Variants in CNTNAP4 observed in about 807,000 individuals in gnomAD.
CNTNAP4 encodes contactin associated protein family member 4.
A neutral mutation model predicts 148.4 loss-of-function variants in CNTNAP4; 98 were observed. The ratio of observed to expected loss-of-function variants is 0.66; its 90% CI spans 0.56 to 0.78. The LOEUF is 0.78. Ranked by LOEUF, CNTNAP4 falls within the 30% of genes least tolerant of loss-of-function variation. The pLI, the probability that CNTNAP4 is intolerant of heterozygous loss-of-function variation, is 0.00. For synonymous variants in CNTNAP4, 730 were observed against 565.1 expected (o/e 1.29, Z -4.14); for missense variants, 1,935 against 1,565.6 (o/e 1.24, Z -3.98).
At chr16:76,516,090 C>T (rs760154254) in intron 15 of CNTNAP4, among the ~76,000 whole-genome samples, 2 of 144,956 alleles carry the variant, frequency 1.4e-5, no homozygotes, top group African/African-American at 2.5e-5. Flanking sequence ...TGTCCCTCCC[C>T]TTGCCCCCCA....
chr16:76,532,272 T>A (rs1350998553), intron 17 of CNTNAP4, among the ~76,000 whole-genome samples: 1 of 152,224 alleles, frequency 6.6e-6, no homozygotes, highest in East Asian at 1.9e-4. Context: ...AGAAACTTCC[T>A]TGGAATGGAA....
intron 3 of CNTNAP4, among the ~76,000 whole-genome samples, chr16:76,419,636 G>C (rs1267433853): frequency 6.6e-6 from 1 of 151,948 alleles, no homozygotes; most frequent in Non-Finnish European, 1.5e-5. Flanking sequence ...TCTTTGGATG[G>C]TCCCGTCCCT....
chr16:76,319,594 C>G (rs1962192193), intron 2 of CNTNAP4, among the ~76,000 whole-genome samples: 1 of 151,788 alleles, frequency 6.6e-6, no homozygotes, highest in African/African-American at 2.4e-5. Context: ...TAAGATGAGG[C>G]CATACTGGAT....
chr16:76,557,556 T>G (rs1193062994), intron 23 of CNTNAP4: 1 of 152,192 alleles, frequency 6.6e-6, no homozygotes, highest in East Asian at 1.9e-4. Context: ...ACAGCTTCAT[T>G]AAGGAGATTC....
rs767317897 is a variant in CNTNAP4 at position 76,506,072 on chromosome 16, A to G, written c.2365+7378A>G. ...TATATTGACTTTAGAAACTTTAGAA[A>G]AAGAGTCAAAGGAAAGAATCAAGGG... On this transcript the variant is annotated intron_variant, in intron 15 of 23. Transcript: ENST00000611870. 9.2e-5 allele frequency among the ~76,000 whole-genome samples: 9 copies of G among 97,886 alleles called. 4 individuals carry two copies. Among genetic ancestry groups the G allele is most frequent in the Non-Finnish European group, 2.0e-4 (7 of 34,486 alleles). 64.2% of individuals were successfully genotyped at this position (97,886 alleles called of 152,430 possible).
chr16:76,472,429 C>T (rs2081409671), intron 10 of CNTNAP4, among the ~76,000 whole-genome samples: 1 of 151,966 alleles, frequency 6.6e-6, no homozygotes, highest in East Asian at 1.9e-4. Context: ...ATTTAAGAGT[C>T]ATTCTTTTGG....
intron 1 of CNTNAP4, chr16:76,316,186 A>T (rs892223075): frequency 6.7e-5 from 39 of 583,652 alleles, no homozygotes; most frequent in African/African-American, 6.7e-4. Flanking sequence ...TTATTATATA[A>T]TTTTATGATT....
chr16:76,449,911 C>T, intron 7 of CNTNAP4, 53 bp downstream of exon 7: 1 of 1,466,242 alleles, frequency 6.8e-7, no homozygotes, highest in South Asian at 1.4e-5. Flanking sequence ...TTTTTCCACA[C>T]AGTAAAATTC....
At chr16:76,467,611 C>A in intron 10 of CNTNAP4, 88 bp downstream of exon 10, 1 of 1,085,688 alleles carries the variant, frequency 9.2e-7, no homozygotes, top group Non-Finnish European at 1.3e-6. Context: ...TTATTCTTTC[C>A]TCTTCCCCAT....
intron 3 of CNTNAP4, among the ~76,000 whole-genome samples, chr16:76,383,032 T>C (rs1412877547): frequency 6.6e-6 from 1 of 152,014 alleles, no homozygotes; most frequent in African/African-American, 2.4e-5. Context: ...TTCTTATCCA[T>C]CTTTATGGGA....
intron 1 of CNTNAP4, among the ~76,000 whole-genome samples, chr16:76,281,474 C>T (rs930083103): frequency 4.6e-5 from 7 of 151,970 alleles, no homozygotes; most frequent in Admixed American, 6.6e-5. Context: ...CTGGAGATAA[C>T]GTGACTCATG....
At chr16:76,339,716 T>C (rs560848007) in intron 2 of CNTNAP4, among the ~76,000 whole-genome samples, 2 of 152,352 alleles carry the variant, frequency 1.3e-5, no homozygotes, top group Admixed American at 1.3e-4. Flanking sequence ...TTTCCATTTC[T>C]CTGAATTTGG....
At chr16:76,381,284 C>T (rs1049798821) in intron 3 of CNTNAP4, among the ~76,000 whole-genome samples, 4 of 152,128 alleles carry the variant, frequency 2.6e-5, no homozygotes, top group African/African-American at 4.8e-5. Context: ...GTTGACATGT[C>T]TTTGGAGTGA....
chr16:76,396,295 C>A (rs1329691664), intron 3 of CNTNAP4, among the ~76,000 whole-genome samples: 1 of 152,182 alleles, frequency 6.6e-6, no homozygotes, highest in African/African-American at 2.4e-5. Flanking sequence ...ACAGTTACTG[C>A]TGCTGCTCAC....
At chr16:76,344,788 T>G (rs148771509) in intron 2 of CNTNAP4, among the ~76,000 whole-genome samples, 3 of 152,348 alleles carry the variant, frequency 2.0e-5, no homozygotes, top group Non-Finnish European at 2.9e-5. Flanking sequence ...GTCACCTCTT[T>G]CGGTTGTGTC....
intron 1 of CNTNAP4, among the ~76,000 whole-genome samples, chr16:76,280,822 T>A (rs1159530895): frequency 6.6e-6 from 1 of 152,146 alleles, no homozygotes; most frequent in Non-Finnish European, 1.5e-5. Flanking sequence ...ATAGCTCTTA[T>A]AAATCCAGTT....
intron 1 of CNTNAP4, chr16:76,316,148 A>T: frequency 3.7e-6 from 2 of 536,002 alleles, no homozygotes; most frequent in South Asian, 6.0e-5. Context: ...ATAATGAGGT[A>T]TAATCTTTTC....
intron 15 of CNTNAP4, among the ~76,000 whole-genome samples, chr16:76,516,846 C>T (rs1026463691): frequency 6.6e-6 from 1 of 152,074 alleles, no homozygotes; most frequent in East Asian, 1.9e-4. Context: ...GGTGGATCAC[C>T]TGAGGTCAGG....
intron 3 of CNTNAP4, among the ~76,000 whole-genome samples, chr16:76,376,907 TTGTGTGTGTG>T (rs5817987): frequency 0.03 from 4,235 of 143,512 alleles, 213 homozygotes; most frequent in African/African-American, 0.1. Flanking sequence ...CTAACAAGGT[TTGTGTGTGTG>T]TGTGTGTGTG....
Sources: gnomAD v4.1 joint callset for allele counts (sites outside exome capture counted in the v4.1 genomes callset) on GRCh38, gnomAD v4.1.1 for gene constraint, MANE v1.5 for transcripts, NCBI Gene and HGNC (gene_info 2026-07-23, HGNC 2026-07-21) for gene names.